Variants in EXOC6B observed in about 807,000 individuals in gnomAD.
The protein encoded by EXOC6B is exocyst complex component 6B, also known as SEC15 homolog B.
In EXOC6B, 54 loss-of-function variants were observed where a neutral mutation model predicts 113.5. The observed-to-expected ratio is 0.48, with a 90% CI of 0.38 to 0.60. EXOC6B has a LOEUF of 0.60. EXOC6B is among the 20% of genes least tolerant of loss of function. EXOC6B has a pLI of 0.00. For missense variants in EXOC6B, 797 were observed against 977.5 expected (o/e 0.82, Z 2.46); for synonymous variants, 357 against 339.0 (o/e 1.05, Z -0.58).
chr2:72,367,446 A>G (rs1234326544), intron 19 of EXOC6B, among the ~76,000 whole-genome samples: 1 of 152,192 alleles, frequency 6.6e-6, no homozygotes, highest in Non-Finnish European at 1.5e-5. Flanking sequence ...TACATTCAGG[A>G]GGTGGAATAA....
chr2:72,467,119 A>G (rs1032365345), intron 17 of EXOC6B, among the ~76,000 whole-genome samples: 1 of 152,200 alleles, frequency 6.6e-6, no homozygotes. Context: ...TTCACTTAAT[A>G]TAATGTCTCC....
At chr2:72,580,660 C>CT (rs1256966646) in intron 6 of EXOC6B, among the ~76,000 whole-genome samples, 1 of 152,142 alleles carries the variant, frequency 6.6e-6, no homozygotes, top group Admixed American at 6.5e-5. Flanking sequence ...CTGAACAGGC[C>CT]TGGAAGCATC....
chr2:72,412,958 CTT>C (rs900738055), intron 18 of EXOC6B, among the ~76,000 whole-genome samples: 1 of 151,218 alleles, frequency 6.6e-6, no homozygotes, highest in African/African-American at 2.4e-5. Context: ...CTCCCTCTCT[CTT>C]TCTTTCTTTC....
chr2:72,421,495 T>G (rs1416396605), intron 18 of EXOC6B, among the ~76,000 whole-genome samples: 3 of 152,256 alleles, frequency 2.0e-5, no homozygotes, highest in Non-Finnish European at 4.4e-5. Flanking sequence ...GAATTTTTAT[T>G]GGGCTGCATT....
At chr2:72,437,201 T>C (rs1382651361) in intron 18 of EXOC6B, among the ~76,000 whole-genome samples, 1 of 152,216 alleles carries the variant, frequency 6.6e-6, no homozygotes, top group East Asian at 1.9e-4. Flanking sequence ...CTCCAGACCC[T>C]GTTTGCCTGG....
chr2:72,203,720 T>C (rs1195736839), intron 20 of EXOC6B, among the ~76,000 whole-genome samples: 1 of 152,198 alleles, frequency 6.6e-6, no homozygotes, highest in East Asian at 1.9e-4. Flanking sequence ...GAATGAATTG[T>C]ATTCCCACAT....
At chr2:72,554,980 C>T (rs1238809027) in intron 8 of EXOC6B, among the ~76,000 whole-genome samples, 3 of 152,106 alleles carry the variant, frequency 2.0e-5, no homozygotes, top group Non-Finnish European at 4.4e-5. Context: ...TGTTCAACTC[C>T]CACCTATGAG....
chr2:72,587,201 T>A (rs1573444244), intron 6 of EXOC6B, among the ~76,000 whole-genome samples: 2 of 152,048 alleles, frequency 1.3e-5, no homozygotes, highest in South Asian at 2.1e-4. Flanking sequence ...AAAAAAAATG[T>A]GGTACATATA....
At chr2:72,486,363 C>CA (rs1699420833) in intron 16 of EXOC6B, among the ~76,000 whole-genome samples, 1 of 148,310 alleles carries the variant, frequency 6.7e-6, no homozygotes, top group Admixed American at 6.7e-5. Flanking sequence ...AATGAGACTC[C>CA]ATCTCAAAAA....
At position 72,692,258 on chromosome 2, in the gene EXOC6B, A is replaced by G. The variant is rs146445465; in HGVS notation, c.669+25845T>C. ...TGATTACTGATATGATTACTATATG[A>G]TTACTAATTCCTTCTCTATTATTCC... On this transcript the variant is annotated intron_variant, in intron 6 of 21. Transcript: ENST00000272427. 3.2e-3 allele frequency among the ~76,000 whole-genome samples: 492 copies of G among 151,804 alleles called. 2 individuals are homozygous for G. The highest frequency in any genetic ancestry group is 0.011 in the African/African-American group (468 of 41,402).
intron 6 of EXOC6B, among the ~76,000 whole-genome samples, chr2:72,664,696 T>G (rs184223665): frequency 6.6e-6 from 1 of 152,202 alleles, no homozygotes; most frequent in Non-Finnish European, 1.5e-5. Context: ...GTCTTTCCCA[T>G]GGGACTGGAG....
intron 20 of EXOC6B, among the ~76,000 whole-genome samples, chr2:72,240,583 T>G (rs1682251746): frequency 6.6e-6 from 1 of 152,174 alleles, no homozygotes; most frequent in Non-Finnish European, 1.5e-5. Flanking sequence ...ATTAAAAGGA[T>G]GAGGTTGTCC....
intron 20 of EXOC6B, among the ~76,000 whole-genome samples, chr2:72,234,484 T>G (rs1681830918): frequency 6.6e-6 from 1 of 152,156 alleles, no homozygotes; most frequent in Non-Finnish European, 1.5e-5. Flanking sequence ...TAGACAATAC[T>G]TCTGGACATA....
chr2:72,521,862 A>C (rs1483573208), intron 8 of EXOC6B, among the ~76,000 whole-genome samples: 1 of 151,950 alleles, frequency 6.6e-6, no homozygotes, highest in Non-Finnish European at 1.5e-5. Flanking sequence ...ACGCCCGGCT[A>C]ATTTTTTGTA....
intron 5 of EXOC6B, among the ~76,000 whole-genome samples, chr2:72,720,630 G>A (rs372758724): frequency 1.1e-4 from 16 of 152,168 alleles, no homozygotes; most frequent in Non-Finnish European, 1.9e-4. Flanking sequence ...GCGTGCACCC[G>A]TAGTCCCAAC....
At chr2:72,383,672 G>A (rs1347507023) in intron 18 of EXOC6B, among the ~76,000 whole-genome samples, 2 of 151,890 alleles carry the variant, frequency 1.3e-5, no homozygotes, top group Non-Finnish European at 2.9e-5. Flanking sequence ...AATATAAATT[G>A]TTTTACCATA....
intron 20 of EXOC6B, among the ~76,000 whole-genome samples, chr2:72,275,944 T>C (rs1384938733): frequency 1.3e-5 from 2 of 152,170 alleles, no homozygotes; most frequent in Non-Finnish European, 2.9e-5. Flanking sequence ...ACAATTCATA[T>C]TTGTAACAGG....
At chr2:72,236,125 A>T (rs1394769967) in intron 20 of EXOC6B, among the ~76,000 whole-genome samples, 1 of 152,194 alleles carries the variant, frequency 6.6e-6, no homozygotes, top group Non-Finnish European at 1.5e-5. Flanking sequence ...GAGCTGAACC[A>T]AAATGAACTG....
chr2:72,265,759 G>T (rs984281661), intron 20 of EXOC6B, among the ~76,000 whole-genome samples: 1 of 151,972 alleles, frequency 6.6e-6, no homozygotes, highest in African/African-American at 2.4e-5. Context: ...AGTCCTTTGG[G>T]TATATACCCA....
Sources: allele counts gnomAD v4.1 joint callset (sites outside exome capture counted in the v4.1 genomes callset), GRCh38; gene constraint gnomAD v4.1.1; transcripts MANE v1.5; gene names NCBI Gene and HGNC (gene_info 2026-07-23, HGNC 2026-07-21).